Variants in OSBPL10 observed in about 807,000 individuals in gnomAD.
The protein encoded by OSBPL10 is oxysterol-binding protein-related protein 10.
In OSBPL10, 49 loss-of-function variants were observed where a neutral mutation model predicts 81.7. The observed-to-expected ratio is 0.60, with a 90% CI of 0.48 to 0.76. The LOEUF (loss-of-function observed/expected upper bound fraction) is 0.76. Ranked by LOEUF, OSBPL10 falls within the 30% of genes least tolerant of loss-of-function variation. OSBPL10 has a pLI of 0.00. For synonymous variants in OSBPL10, 419 were observed against 383.6 expected, an observed-to-expected ratio of 1.09 and a Z score of -1.08; for missense variants, 923 against 987.8, an observed-to-expected ratio of 0.93 and a Z score of 0.88.
chr3:32,038,317 C>A (rs902728129), intron 2 of OSBPL10, among the ~76,000 whole-genome samples: 5 of 152,118 alleles, frequency 3.3e-5, no homozygotes, highest in African/African-American at 9.7e-5. Context: ...TCCAGAAAAA[C>A]CAAGTATTTT....
chr3:31,795,655 C>T (rs374969104), intron 4 of OSBPL10: 8 of 209,418 alleles, frequency 3.8e-5, no homozygotes, highest in South Asian at 2.1e-4. Context: ...TCAACACCAA[C>T]GAGGTCACAC....
At chr3:31,706,334 G>C (rs1271264748) in intron 6 of OSBPL10, among the ~76,000 whole-genome samples, 1 of 152,166 alleles carries the variant, frequency 6.6e-6, no homozygotes, top group Admixed American at 6.5e-5. Context: ...AAAATTGTAA[G>C]TCTGGGCATT....
intron 5 of OSBPL10, among the ~76,000 whole-genome samples, chr3:31,742,372 G>C (rs1697377945): frequency 6.6e-6 from 1 of 152,222 alleles, no homozygotes; most frequent in South Asian, 2.1e-4. Flanking sequence ...CTTATTAACT[G>C]ACACTCCCCG....
intron 6 of OSBPL10, among the ~76,000 whole-genome samples, chr3:31,705,580 C>A (rs1696037660): frequency 1.3e-5 from 2 of 152,200 alleles, no homozygotes. Context: ...AGACACAAAA[C>A]CTCCTTCCCT....
intron 7 of OSBPL10, among the ~76,000 whole-genome samples, chr3:31,701,198 T>C (rs2125590368): frequency 6.6e-6 from 1 of 152,270 alleles, no homozygotes; most frequent in Non-Finnish European, 1.5e-5. Flanking sequence ...CCCTCTCTCT[T>C]CTCTTGCCCC....
chr3:32,070,100 C>A (rs1474000313), intron 1 of OSBPL10, among the ~76,000 whole-genome samples: 3 of 152,158 alleles, frequency 2.0e-5, no homozygotes, highest in Non-Finnish European at 4.4e-5. Flanking sequence ...ACATTGGAAG[C>A]CCCCTGGACC....
chr3:31,674,854 C>G (rs1337934652), intron 8 of OSBPL10, among the ~76,000 whole-genome samples: 1 of 152,202 alleles, frequency 6.6e-6, no homozygotes, highest in African/African-American at 2.4e-5. Context: ...AGGACACAAC[C>G]CATCCTCTCG....
At chr3:31,721,866 T>C (rs1696655384) in intron 6 of OSBPL10, among the ~76,000 whole-genome samples, 1 of 152,200 alleles carries the variant, frequency 6.6e-6, no homozygotes, top group African/African-American at 2.4e-5. Context: ...ACATAATGTT[T>C]ATAACATTTT....
At chr3:31,728,404 G>T (rs1290963855) in intron 6 of OSBPL10, among the ~76,000 whole-genome samples, 1 of 152,106 alleles carries the variant, frequency 6.6e-6, no homozygotes, top group African/African-American at 2.4e-5. Context: ...GCCAGGGGTA[G>T]GTATCTGGCA....
intron 1 of OSBPL10, among the ~76,000 whole-genome samples, chr3:31,976,067 A>G (rs531176124): frequency 1.3e-5 from 2 of 152,326 alleles, no homozygotes; most frequent in East Asian, 3.9e-4. Context: ...TTTTAAAAGG[A>G]TCCCTTCAAA....
At chr3:31,977,219 C>A (rs1698717560) in intron 1 of OSBPL10, among the ~76,000 whole-genome samples, 1 of 152,104 alleles carries the variant, frequency 6.6e-6, no homozygotes. Flanking sequence ...GTTATTCTTG[C>A]CCCTCTCTCA....
intron 1 of OSBPL10, among the ~76,000 whole-genome samples, chr3:32,053,481 T>G (rs1699683861): frequency 6.6e-6 from 1 of 152,222 alleles, no homozygotes; most frequent in East Asian, 1.9e-4. Flanking sequence ...GTGGTTTTCT[T>G]AGAGCACTAA....
chr3:31,896,847 G>A (rs1475673990), intron 1 of OSBPL10, among the ~76,000 whole-genome samples: 1 of 152,172 alleles, frequency 6.6e-6, no homozygotes, highest in Non-Finnish European at 1.5e-5. Context: ...CCAGTCCTTG[G>A]AGGGAGGGGA....
At chr3:31,980,841 G>GCACACA (rs72290087) in intron 1 of OSBPL10, 58 bp downstream of exon 1, 37 of 1,347,178 alleles carry the variant, frequency 2.7e-5, no homozygotes, top group Admixed American at 1.4e-4. Context: ...ACACACGCAC[G>GCACACA]CACACACACA....
intron 1 of OSBPL10, among the ~76,000 whole-genome samples, chr3:31,885,758 G>T (rs1303709417): frequency 6.7e-6 from 1 of 150,178 alleles, no homozygotes; most frequent in African/African-American, 2.5e-5. Context: ...TGAGATGGGT[G>T]CATCACCTGA....
At chr3:31,761,209 C>T (rs1046583180) in intron 4 of OSBPL10, among the ~76,000 whole-genome samples, 2 of 152,174 alleles carry the variant, frequency 1.3e-5, no homozygotes, top group African/African-American at 2.4e-5. Context: ...CGCGGTGGCT[C>T]ACACCTGTAA....
intron 1 of OSBPL10, among the ~76,000 whole-genome samples, chr3:32,060,640 T>C (rs1699749029): frequency 2.8e-5 from 1 of 35,858 alleles, no homozygotes; most frequent in Non-Finnish European, 1.3e-4. Context: ...TTTGATTGTG[T>C]TGCTCCCCAG....
intron 3 of OSBPL10, among the ~76,000 whole-genome samples, chr3:31,846,910 A>G (rs1254340779): frequency 6.6e-6 from 1 of 151,962 alleles, no homozygotes; most frequent in Non-Finnish European, 1.5e-5. Flanking sequence ...CTATCCCCCA[A>G]CTATGAGTGA....
At chr3:32,052,378 T>G (rs1422865228) in intron 1 of OSBPL10, among the ~76,000 whole-genome samples, 1 of 152,222 alleles carries the variant, frequency 6.6e-6, no homozygotes, top group Admixed American at 6.5e-5. Context: ...GTTGACTTTA[T>G]TGTGGAAGAC....
Sources: gnomAD v4.1 joint callset for allele counts (sites outside exome capture counted in the v4.1 genomes callset) on GRCh38, gnomAD v4.1.1 for gene constraint, MANE v1.5 for transcripts, NCBI Gene and HGNC (gene_info 2026-07-23, HGNC 2026-07-21) for gene names.